STRN: variants seen among roughly 807,000 people sequenced by gnomAD.
STRN encodes the protein protein phosphatase 2 regulatory subunit B'''alpha.
STRN carries 53 observed loss-of-function variants against 96.3 expected under a neutral mutation model. The ratio of observed to expected loss-of-function variants is 0.55; its 90% confidence interval spans 0.44 to 0.69. STRN has a LOEUF of 0.69. Ranked by LOEUF, STRN falls within the 30% of genes least tolerant of loss-of-function variation. The pLI is 0.00. For missense variants in STRN, 987 were observed against 963.9 expected (o/e 1.02, Z -0.32); for synonymous variants, 428 against 355.9 (o/e 1.20, Z -2.28).
intron 3 of STRN, among the ~76,000 whole-genome samples, chr2:36,910,824 G>A (rs184279610): frequency 4.6e-5 from 7 of 151,928 alleles, no homozygotes; most frequent in African/African-American, 1.7e-4. Context: ...ATAACTACCT[G>A]GCTTCTAATA....
rs185953287 is a variant in STRN, at chr2:36,900,700, C to A, written c.660-1042G>T. 2.0e-5 allele frequency among the ~76,000 whole-genome samples: 3 copies of A among 151,922 alleles called. No individual in the cohort carries two copies. In the East Asian group the frequency reaches 5.8e-4, roughly 29 times the overall value. ...GGTCAAGAGATTGAGACCATCCTGG[C>A]CAGCCAACATGGTGAAACTCCATCT... On this transcript the variant is annotated intron_variant, in intron 5 of 17. Coordinates refer to ENST00000263918, the MANE Select transcript of STRN (RefSeq NM_003162.4).
At chr2:36,868,794 A>G (rs969118636) in intron 11 of STRN, among the ~76,000 whole-genome samples, 1 of 151,718 alleles carries the variant, frequency 6.6e-6, no homozygotes, top group African/African-American at 2.4e-5. Context: ...AACCTCCTCT[A>G]TTTGATGTTC....
At chr2:36,905,723 A>G (rs949404298) in intron 3 of STRN, 105 bp from the exon 4 acceptor site, 3 of 962,700 alleles carry the variant, frequency 3.1e-6, no homozygotes, top group Non-Finnish European at 5.0e-6. Context: ...AAGAATATGT[A>G]AAACTGCAAC....
intron 1 of STRN, among the ~76,000 whole-genome samples, chr2:36,926,986 T>C (rs866440329): frequency 3.7e-4 from 57 of 152,306 alleles, no homozygotes; most frequent in African/African-American, 1.3e-3. Flanking sequence ...GAACTTTATA[T>C]GCTCTTTAAA....
At chr2:36,898,147 C>T (rs542963887) in intron 6 of STRN, among the ~76,000 whole-genome samples, 19 of 152,122 alleles carry the variant, frequency 1.2e-4, no homozygotes, top group Non-Finnish European at 2.4e-4. Context: ...AAATTGATAT[C>T]ACTAACAGAA....
intron 2 of STRN, among the ~76,000 whole-genome samples, chr2:36,917,053 A>G (rs200069658): frequency 1.6e-5 from 2 of 125,738 alleles, no homozygotes; most frequent in East Asian, 3.9e-4. Context: ...ATAAAAAAAT[A>G]AAAAATAAAA....
intron 1 of STRN, among the ~76,000 whole-genome samples, chr2:36,927,006 A>G (rs1670427277): frequency 6.6e-6 from 1 of 152,218 alleles, no homozygotes; most frequent in Non-Finnish European, 1.5e-5. Flanking sequence ...AATGACTTTA[A>G]TAAAAATAAT....
At chr2:36,864,541 G>A (rs1668573206) in intron 12 of STRN, among the ~76,000 whole-genome samples, 1 of 152,108 alleles carries the variant, frequency 6.6e-6, no homozygotes, top group Admixed American at 6.6e-5. Context: ...TTGATGTGCT[G>A]TTGGATTTTC....
chr2:36,909,341 T>C (rs1669907579), intron 3 of STRN, among the ~76,000 whole-genome samples: 1 of 152,146 alleles, frequency 6.6e-6, no homozygotes, highest in Admixed American at 6.5e-5. Context: ...AGGATTTTAA[T>C]ATAGATAATA....
At chr2:36,933,810 G>A (rs564807139) in intron 1 of STRN, among the ~76,000 whole-genome samples, 1 of 152,116 alleles carries the variant, frequency 6.6e-6, no homozygotes, top group African/African-American at 2.4e-5. Context: ...ACTCTAAACA[G>A]TTTAAGAAAA....
chr2:36,965,789 C>A (rs986436920), intron 1 of STRN, among the ~76,000 whole-genome samples: 16 of 152,228 alleles, frequency 1.1e-4, no homozygotes, highest in African/African-American at 3.4e-4. Context: ...TGATCACCTT[C>A]CTTGAAGAGA....
intron 1 of STRN, among the ~76,000 whole-genome samples, chr2:36,933,059 T>TACACAC (rs61245812): frequency 0.01 from 1,530 of 148,066 alleles, 24 homozygotes; most frequent in Admixed American, 0.037. Flanking sequence ...TTTTTTAATT[T>TACACAC]ACACACACAC....
chr2:36,900,124 A>G (rs558575867), intron 5 of STRN, among the ~76,000 whole-genome samples: 1 of 152,120 alleles, frequency 6.6e-6, no homozygotes, highest in East Asian at 1.9e-4. Flanking sequence ...CCTGAGCCCA[A>G]GTGATTCGCC....
In STRN at chr2:36,872,855, T is replaced by TAA. The variant is rs776908559; in HGVS notation, c.1324-3128_1324-3127dup. ...ACAAGTAGAAAAGCAGAATTAAACA[T>TAA]AAAAAAAAACAGACAAAAAATACTG... On this transcript the variant is annotated intron_variant, in intron 10 of 17. Transcript: ENST00000263918. Among the ~76,000 whole-genome samples the TAA allele has an allele frequency of 1.9e-3, 290 of 150,258 alleles. 2 individuals are homozygous for TAA. Among genetic ancestry groups the TAA allele is most frequent in the African/African-American group, 6.9e-3 (281 of 40,906 alleles).
chr2:36,867,755 C>A, intron 12 of STRN, 59 bp downstream of exon 12: 3 of 1,165,004 alleles, frequency 2.6e-6, no homozygotes, highest in South Asian at 1.9e-5. Flanking sequence ...AATAAAATAT[C>A]CTAACCAGGC....
At chr2:36,955,757 C>A (rs757423241) in intron 1 of STRN, among the ~76,000 whole-genome samples, 4 of 152,206 alleles carry the variant, frequency 2.6e-5, no homozygotes, top group Non-Finnish European at 5.9e-5. Flanking sequence ...CAAACCACTA[C>A]AGATTGAGTA....
chr2:36,934,536 G>A (rs1301561428), intron 1 of STRN, among the ~76,000 whole-genome samples: 2 of 152,158 alleles, frequency 1.3e-5, no homozygotes, highest in Admixed American at 1.3e-4. Flanking sequence ...GAGTTAACAT[G>A]TTTTAAACCA....
intron 13 of STRN, among the ~76,000 whole-genome samples, chr2:36,860,428 G>A (rs548008504): frequency 1.3e-5 from 2 of 152,192 alleles, no homozygotes; most frequent in East Asian, 1.9e-4. Flanking sequence ...AAAAATTTTT[G>A]TTTATTGAAT....
chr2:36,870,871 G>GCACT (rs1284863900), intron 10 of STRN, among the ~76,000 whole-genome samples: 10 of 152,146 alleles, frequency 6.6e-5, no homozygotes, highest in African/African-American at 2.4e-4. Context: ...ACCTTCTAGT[G>GCACT]GGACAAGATG....
Sources: gnomAD v4.1 joint callset for allele counts (sites outside exome capture counted in the v4.1 genomes callset) on GRCh38, gnomAD v4.1.1 for gene constraint, MANE v1.5 for transcripts, NCBI Gene and HGNC (gene_info 2026-07-23, HGNC 2026-07-21) for gene names.